WDR7: variants seen among roughly 807,000 people sequenced by gnomAD.
WDR7 encodes WD repeat domain 7.
A neutral mutation model predicts 169.4 loss-of-function variants in WDR7; 46 were observed. The observed-to-expected ratio is 0.27, with a 90% CI of 0.21 to 0.35. The LOEUF (loss-of-function observed/expected upper bound fraction) is 0.35, where lower values mean the gene tolerates loss of function less well. Ranked by LOEUF, WDR7 falls within the 10% of genes least tolerant of loss-of-function variation. The pLI is 1.00. For synonymous variants in WDR7, 612 were observed against 666.8 expected (o/e 0.92, Z 1.27); for missense variants, 1,534 against 1,859.3 (o/e 0.83, Z 3.22).
At chr18:56,941,116 A>G (rs1051957929) in intron 25 of WDR7, among the ~76,000 whole-genome samples, 2 of 152,180 alleles carry the variant, frequency 1.3e-5, no homozygotes, top group African/African-American at 4.8e-5. Flanking sequence ...TGGGGAAACA[A>G]TGATGAATAA....
chr18:56,814,158 C>T (rs996899023), intron 19 of WDR7, among the ~76,000 whole-genome samples: 8 of 152,144 alleles, frequency 5.3e-5, no homozygotes, highest in African/African-American at 1.7e-4. Flanking sequence ...TACTTAGCCT[C>T]TCTGATTAAA....
At chr18:56,699,779 C>T (rs970434319) in intron 12 of WDR7, 1 of 971,766 alleles carries the variant, frequency 1.0e-6, no homozygotes, top group Non-Finnish European at 1.2e-6. Context: ...CATTATTTGT[C>T]TCCTAACTTA....
rs1244219690 is a variant in WDR7 at position 57,027,836 on chromosome 18, AC to A, written c.*630del. ...TTGAGATTCATGATTAATTATGTAC[AC>A]AAAAATATTTTCCTTGTAGAAAATA... is the stretch of plus-strand genomic sequence containing the variant. On this transcript the variant is annotated 3_prime_UTR_variant, in exon 28 of 28. Transcript: ENST00000254442. The A allele has an allele frequency of 6.6e-6, 1 of 152,644 alleles. No homozygotes were observed. Among genetic ancestry groups the A allele is most frequent in the Non-Finnish European group, 1.5e-5 (1 of 68,164 alleles). 9.5% of individuals were successfully genotyped at this position (152,644 alleles called of 1,614,324 possible).
At chr18:56,870,988 C>T (rs1454005797) in intron 20 of WDR7, among the ~76,000 whole-genome samples, 1 of 151,814 alleles carries the variant, frequency 6.6e-6, no homozygotes, top group Non-Finnish European at 1.5e-5. Flanking sequence ...GCTGATAATG[C>T]CATATCACAT....
intron 26 of WDR7, among the ~76,000 whole-genome samples, chr18:56,977,140 A>G (rs1414795358): frequency 6.6e-6 from 1 of 152,220 alleles, no homozygotes; most frequent in Non-Finnish European, 1.5e-5. Flanking sequence ...ATTTAGATTC[A>G]TGACTGTTAC....
chr18:56,696,988 C>G (rs575258533), intron 12 of WDR7, among the ~76,000 whole-genome samples: 1 of 152,254 alleles, frequency 6.6e-6, no homozygotes, highest in South Asian at 2.1e-4. Flanking sequence ...AGATTGCTTT[C>G]TGATGCATTT....
chr18:56,846,330 A>G (rs1329190143), intron 20 of WDR7, among the ~76,000 whole-genome samples: 1 of 152,102 alleles, frequency 6.6e-6, no homozygotes, highest in Non-Finnish European at 1.5e-5. Flanking sequence ...GAATTCCCAC[A>G]TAATGTGGGA....
At chr18:56,840,741 C>T (rs1281437463) in intron 20 of WDR7, among the ~76,000 whole-genome samples, 1 of 151,810 alleles carries the variant, frequency 6.6e-6, no homozygotes, top group Admixed American at 6.6e-5. Context: ...ATCATCTGAA[C>T]CCGAGAGGTT....
intron 11 of WDR7, among the ~76,000 whole-genome samples, chr18:56,695,513 A>G (rs1487457273): frequency 6.6e-6 from 1 of 151,982 alleles, no homozygotes; most frequent in African/African-American, 2.4e-5. Flanking sequence ...AAAATCCTCC[A>G]GAACAGTACC....
At chr18:56,707,577 A>G (rs529135881) in intron 12 of WDR7, among the ~76,000 whole-genome samples, 1 of 152,250 alleles carries the variant, frequency 6.6e-6, no homozygotes, top group South Asian at 2.1e-4. Flanking sequence ...GGGGTTTTCA[A>G]CTGTCTGAGA....
At chr18:57,035,533 C>T in the WDR7 span, 1 of 152,296 alleles carries the variant, frequency 6.6e-6, no homozygotes, top group Non-Finnish European at 1.5e-5. Flanking sequence ...TAGGTACCCC[C>T]AAATCCACTG....
At chr18:56,801,588 C>T (rs1389296960) in intron 19 of WDR7, among the ~76,000 whole-genome samples, 1 of 152,150 alleles carries the variant, frequency 6.6e-6, no homozygotes, top group Admixed American at 6.6e-5. Context: ...CAATAATTTC[C>T]TTATATAGCC....
chr18:57,001,083 GAGAGA>G (rs2047971097), intron 26 of WDR7, among the ~76,000 whole-genome samples: 1 of 43,328 alleles, frequency 2.3e-5, no homozygotes. Context: ...GAGAGAGAGA[GAGAGA>G]TGTAAGTTTA....
intron 20 of WDR7, among the ~76,000 whole-genome samples, chr18:56,836,240 T>C (rs1243213842): frequency 6.6e-6 from 1 of 152,172 alleles, no homozygotes; most frequent in East Asian, 1.9e-4. Context: ...TCCTCTCATG[T>C]CTGGCCAGGA....
chr18:56,905,258 C>T (rs2046460117), intron 21 of WDR7, among the ~76,000 whole-genome samples: 1 of 152,200 alleles, frequency 6.6e-6, no homozygotes, highest in Admixed American at 6.5e-5. Context: ...AAGAGATTCT[C>T]ATGCCTCAGC....
At chr18:56,873,487 G>A (rs116159716) in intron 20 of WDR7, 1 of 152,198 alleles carries the variant, frequency 6.6e-6, no homozygotes, top group Non-Finnish European at 1.5e-5. Context: ...GGAACATAAA[G>A]AAGGTGGGGG....
intron 21 of WDR7, among the ~76,000 whole-genome samples, chr18:56,889,953 A>G (rs1228511083): frequency 3.9e-5 from 6 of 152,184 alleles, no homozygotes; most frequent in Admixed American, 1.3e-4. Context: ...AAATACTACA[A>G]TGCTGGCCAA....
intron 1 of WDR7, among the ~76,000 whole-genome samples, chr18:56,671,426 C>T (rs956560987): frequency 6.6e-6 from 1 of 152,054 alleles, no homozygotes; most frequent in African/African-American, 2.4e-5. Flanking sequence ...CACCTGCCAC[C>T]ATGCCTGGCT....
At chr18:56,910,068 G>C (rs1227181568) in intron 21 of WDR7, among the ~76,000 whole-genome samples, 1 of 152,102 alleles carries the variant, frequency 6.6e-6, no homozygotes, top group Non-Finnish European at 1.5e-5. Flanking sequence ...GTAGCAGCAA[G>C]AGCTGCATAT....
Sources: allele counts gnomAD v4.1 joint callset (sites outside exome capture counted in the v4.1 genomes callset), GRCh38; gene constraint gnomAD v4.1.1; transcripts MANE v1.5; gene names NCBI Gene and HGNC (gene_info 2026-07-23, HGNC 2026-07-21).